Variants in MGAT4C observed in about 807,000 individuals in gnomAD.
MGAT4C encodes the protein alpha-1,3-mannosyl-glycoprotein 4-beta-N-acetylglucosaminyltransferase C.
In MGAT4C, 19 loss-of-function variants were observed where a neutral mutation model predicts 40.1. That is an observed-to-expected ratio of 0.47 (90% CI 0.33 to 0.70). MGAT4C has a LOEUF of 0.70. Ranked by LOEUF, MGAT4C falls within the 30% of genes least tolerant of loss-of-function variation. The pLI is 0.02. For synonymous variants in MGAT4C, 181 were observed against 187.1 expected (o/e 0.97, Z 0.27); for missense variants, 491 against 563.2 (o/e 0.87, Z 1.30).
intron 2 of MGAT4C, among the ~76,000 whole-genome samples, chr12:86,690,126 C>T (rs890106091): frequency 6.6e-6 from 1 of 152,114 alleles, no homozygotes; most frequent in Non-Finnish European, 1.5e-5. Context: ...AGGGGAAAAC[C>T]GCCTACTGAA....
Position 86,499,069 on chromosome 12 carries a change from AT to A in MGAT4C, c.-228-63805del, listed in dbSNP as rs1283209559. 3.9e-5 allele frequency among the ~76,000 whole-genome samples: 6 copies of A among 151,928 alleles called. No individual in the cohort carries two copies. The East Asian group carries it at 7.7e-4, about 20-fold the overall frequency. Reference sequence around the variant, plus strand: ...TTTCTTCCTTATAATTTTATTAGAAATGTTGTCTTTTTTATTTTACTTTGTG... The same window carrying A: ...TTTCTTCCTTATAATTTTATTAGAAAGTTGTCTTTTTTATTTTACTTTGTG... On this transcript the variant is annotated intron_variant, in intron 2 of 7. Transcript: ENST00000548651.
intron 2 of MGAT4C, among the ~76,000 whole-genome samples, chr12:86,511,061 C>T (rs960141362): frequency 1.3e-5 from 2 of 152,112 alleles, no homozygotes; most frequent in Non-Finnish European, 2.9e-5. Context: ...CCACACCACA[C>T]CTATTCCACA....
intron 2 of MGAT4C, among the ~76,000 whole-genome samples, chr12:86,662,921 A>G (rs1964014870): frequency 6.6e-6 from 1 of 152,224 alleles, no homozygotes; most frequent in Non-Finnish European, 1.5e-5. Flanking sequence ...ATCACCTGAA[A>G]GTCATTAGTT....
At chr12:86,317,235 C>T (rs141971828) in intron 4 of MGAT4C, among the ~76,000 whole-genome samples, 5,247 of 151,936 alleles carry the variant, frequency 0.035, 131 homozygotes, top group Non-Finnish European at 0.047. Context: ...AGAGCAAAAA[C>T]ATTACTACAG....
intron 1 of MGAT4C, among the ~76,000 whole-genome samples, chr12:86,212,911 A>C (rs1397737956): frequency 6.8e-6 from 1 of 147,292 alleles, no homozygotes; most frequent in Non-Finnish European, 1.5e-5. Flanking sequence ...AAAAAAAAAA[A>C]AAAAAAAAAA....
intron 1 of MGAT4C, among the ~76,000 whole-genome samples, chr12:86,253,583 A>C (rs1424871894): frequency 6.6e-6 from 1 of 151,976 alleles, no homozygotes; most frequent in Non-Finnish European, 1.5e-5. Flanking sequence ...GATCTTTTAA[A>C]CTTTAAAATG....
chr12:86,089,951 C>A (rs548637595), intron 1 of MGAT4C, among the ~76,000 whole-genome samples: 4 of 151,432 alleles, frequency 2.6e-5, no homozygotes, highest in Non-Finnish European at 5.9e-5. Context: ...TTTATTTTTT[C>A]TTTCCTGGGA....
chr12:86,501,230 A>C (rs1475124102), intron 2 of MGAT4C, among the ~76,000 whole-genome samples: 1 of 152,180 alleles, frequency 6.6e-6, no homozygotes, highest in Non-Finnish European at 1.5e-5. Flanking sequence ...AAAGAGAAGA[A>C]GAGAAATGTT....
At chr12:86,611,088 T>C (rs1962242158) in intron 2 of MGAT4C, among the ~76,000 whole-genome samples, 1 of 151,954 alleles carries the variant, frequency 6.6e-6, no homozygotes, top group South Asian at 2.1e-4. Flanking sequence ...TGTACAGCAC[T>C]TGGAGGCTGT....
chr12:85,984,831 T>G (rs1885034095), intron 3 of MGAT4C, among the ~76,000 whole-genome samples: 1 of 152,122 alleles, frequency 6.6e-6, no homozygotes. Context: ...CAGGCTGGAG[T>G]GCAGTGGCAT....
At chr12:86,268,771 A>C (rs1373088908) in intron 4 of MGAT4C, among the ~76,000 whole-genome samples, 1 of 147,734 alleles carries the variant, frequency 6.8e-6, no homozygotes, top group Non-Finnish European at 1.5e-5. Flanking sequence ...CAATAAATTC[A>C]TTTTTATTGT....
chr12:86,604,011 T>C (rs1961950224), intron 2 of MGAT4C, among the ~76,000 whole-genome samples: 1 of 151,614 alleles, frequency 6.6e-6, no homozygotes, highest in Non-Finnish European at 1.5e-5. Flanking sequence ...TATAAACATA[T>C]ATAATTTTTT....
chr12:86,729,725 A>T (rs1383361696), intron 1 of MGAT4C, among the ~76,000 whole-genome samples: 1 of 152,094 alleles, frequency 6.6e-6, no homozygotes, highest in African/African-American at 2.4e-5. Context: ...TTATTCTCAT[A>T]ACAAAAGCCC....
chr12:86,189,041 TTCTC>T (rs1246595385), intron 1 of MGAT4C, among the ~76,000 whole-genome samples: 1 of 151,962 alleles, frequency 6.6e-6, no homozygotes, highest in Non-Finnish European at 1.5e-5. Context: ...ATTGATGACT[TTCTC>T]TGTAAAGTTA....
chr12:86,528,150 A>G (rs1213658531), intron 2 of MGAT4C, among the ~76,000 whole-genome samples: 2 of 152,170 alleles, frequency 1.3e-5, no homozygotes, highest in Admixed American at 1.3e-4. Context: ...TAGGAGAATA[A>G]TGCTGCATAA....
chr12:86,689,850 A>T (rs1950144173), intron 2 of MGAT4C, among the ~76,000 whole-genome samples: 1 of 152,160 alleles, frequency 6.6e-6, no homozygotes, highest in Admixed American at 6.5e-5. Flanking sequence ...CTGTGCTGGG[A>T]GATCCACTTC....
chr12:86,325,264 A>T (rs1566289789), intron 4 of MGAT4C, among the ~76,000 whole-genome samples: 1 of 152,190 alleles, frequency 6.6e-6, no homozygotes, highest in Non-Finnish European at 1.5e-5. Flanking sequence ...CCATGTAAAC[A>T]TGTATTGATA....
intron 2 of MGAT4C, among the ~76,000 whole-genome samples, chr12:86,596,859 C>T (rs1257626076): frequency 6.6e-6 from 1 of 152,130 alleles, no homozygotes; most frequent in East Asian, 1.9e-4. Context: ...ACTGAACTGA[C>T]TGAACAGATC....
At chr12:86,308,434 C>A (rs1169072765) in intron 4 of MGAT4C, among the ~76,000 whole-genome samples, 1 of 150,154 alleles carries the variant, frequency 6.7e-6, no homozygotes, top group Non-Finnish European at 1.5e-5. Flanking sequence ...AGGCTTATTA[C>A]CAATAACAAA....
Sources: gnomAD v4.1 joint callset for allele counts (sites outside exome capture counted in the v4.1 genomes callset) on GRCh38, gnomAD v4.1.1 for gene constraint, MANE v1.5 for transcripts, NCBI Gene and HGNC (gene_info 2026-07-23, HGNC 2026-07-21) for gene names.